The following LIPI variants were observed in gnomAD, a reference collection of about 807,000 sequenced individuals.
The protein encoded by LIPI is lipase member I.
LIPI carries 59 observed loss-of-function variants against 50.6 expected under a neutral mutation model. The observed-to-expected ratio is 1.16, with a 90% CI of 0.94 to 1.45. The LOEUF (loss-of-function observed/expected upper bound fraction) is 1.45, where lower values mean the gene tolerates loss of function less well. Ranked by LOEUF, LIPI falls within the 40% of genes most tolerant of loss-of-function variation. The probability of loss-of-function intolerance (pLI) is 0.00; values close to 1 mark genes in which losing one functional copy is unlikely to be tolerated. For synonymous variants in LIPI, 203 were observed against 178.2 expected (o/e 1.14, Z -1.11); for missense variants, 586 against 536.3 (o/e 1.09, Z -0.92).
Position 14,175,252 on chromosome 21 carries a change from A to C in LIPI, c.643+6506T>G, listed in dbSNP as rs113961502. ...TCTTTGATTTTAATAAATAATGCTG[A>C]ATAGTTGTAGCGTATCTTTGCCAAT... is the stretch of plus-strand genomic sequence containing the variant. On this transcript the variant is annotated intron_variant, in intron 4 of 9. Transcript: ENST00000681601. Among the ~76,000 whole-genome samples, 1,062 of 152,312 alleles carry C rather than the reference A, an allele frequency of 7.0e-3. 13 individuals carry two copies. Among genetic ancestry groups the C allele is most frequent in the African/African-American group, 0.024 (993 of 41,578 alleles).
At chr21:14,210,111 A>G (rs2123368194) in intron 1 of LIPI, among the ~76,000 whole-genome samples, 1 of 152,038 alleles carries the variant, frequency 6.6e-6, no homozygotes. Flanking sequence ...CTCTCATAAA[A>G]CCCCTACAGA....
Position 14,165,368 on chromosome 21 carries a change from G to T in LIPI, c.756C>A (p.Asn252Lys), listed in dbSNP as rs764031915. Reference protein sequence around the residue: ...IFSGIQFIKCNHQRAVHLFMA... With the variant: ...IFSGIQFIKCKHQRAVHLFMA... ...TGAACAAGTGAACTGCTCTCTGGTGGTTGCATTTAATGAATTGAATTCCTT... is the reference window on the plus strand; with the variant it reads ...TGAACAAGTGAACTGCTCTCTGGTGTTTGCATTTAATGAATTGAATTCCTT... The change falls in exon 6 of 10, where the codon AAC becomes AAA. Residue 252 changes from asparagine (N) to lysine (K), a missense_variant. Coordinates refer to ENST00000681601, the MANE Select transcript of LIPI (RefSeq NM_001302998.2). The T allele has an allele frequency of 8.1e-6, 13 of 1,611,216 alleles. No homozygotes were observed. Among genetic ancestry groups the T allele is most frequent in the East Asian group, 6.7e-5 (3 of 44,740 alleles).
intron 1 of LIPI, among the ~76,000 whole-genome samples, chr21:14,202,882 C>A (rs1354579849): frequency 6.6e-6 from 1 of 152,066 alleles, no homozygotes; most frequent in African/African-American, 2.4e-5. Context: ...AAACTACCAT[C>A]AGAGTGAACA....
Position 14,154,654 on chromosome 21 carries a change from C to G in LIPI, c.1007-1970G>C, listed in dbSNP as rs557972725. Reference sequence around the variant, plus strand: ...AAGATTCTAAGGCTCTCTGAGGCAACTTGTAGCTGTGACAGAGTCTGATAA... The same window carrying G: ...AAGATTCTAAGGCTCTCTGAGGCAAGTTGTAGCTGTGACAGAGTCTGATAA... On this transcript the variant is annotated intron_variant, in intron 7 of 9. Coordinates refer to ENST00000681601, the MANE Select transcript of LIPI (RefSeq NM_001302998.2). 4.6e-5 allele frequency among the ~76,000 whole-genome samples: 7 copies of G among 152,108 alleles called. No individual in the cohort carries two copies. The South Asian group carries it at 1.5e-3, about 32-fold the overall frequency.
At chr21:14,197,428 C>G (rs1027799580) in intron 1 of LIPI, among the ~76,000 whole-genome samples, 4 of 152,000 alleles carry the variant, frequency 2.6e-5, no homozygotes, top group Non-Finnish European at 1.5e-5. Flanking sequence ...GATAATGTAA[C>G]TGACTGGCTA....
At chr21:14,125,807 C>T (rs1351239419) in intron 9 of LIPI, among the ~76,000 whole-genome samples, 1 of 152,060 alleles carries the variant, frequency 6.6e-6, no homozygotes, top group Non-Finnish European at 1.5e-5. Flanking sequence ...CGCCCGCCTC[C>T]GCCTCCCAAA....
chr21:14,120,298 T>A (rs188711698), intron 9 of LIPI, among the ~76,000 whole-genome samples: 1 of 152,310 alleles, frequency 6.6e-6, no homozygotes, highest in East Asian at 1.9e-4. Flanking sequence ...GGTAGGAACC[T>A]CAGCACAGAA....
At chr21:14,182,328 A>G (rs1481933398) in intron 3 of LIPI, among the ~76,000 whole-genome samples, 1 of 152,148 alleles carries the variant, frequency 6.6e-6, no homozygotes, top group Non-Finnish European at 1.5e-5. Context: ...TATCTTATCC[A>G]TTTCTCGTAA....
chr21:14,171,354 G>T (rs201292829), intron 4 of LIPI, among the ~76,000 whole-genome samples: 4 of 145,580 alleles, frequency 2.7e-5, no homozygotes, highest in African/African-American at 1.0e-4. Flanking sequence ...TCACAGAATT[G>T]GAAAAAACTA....
intron 1 of LIPI, among the ~76,000 whole-genome samples, chr21:14,200,449 T>C (rs1308744801): frequency 6.6e-6 from 1 of 152,068 alleles, no homozygotes; most frequent in Non-Finnish European, 1.5e-5. Flanking sequence ...CTATTATTCC[T>C]ATACACCAAC....
At chr21:14,194,420 G>A (rs188823065) in intron 1 of LIPI, among the ~76,000 whole-genome samples, 178 of 145,990 alleles carry the variant, frequency 1.2e-3, no homozygotes, top group African/African-American at 4.1e-3. Context: ...ATCAACAGGT[G>A]AATGAACAAA....
chr21:14,175,491 T>A (rs2019062908), intron 4 of LIPI, among the ~76,000 whole-genome samples: 2 of 152,192 alleles, frequency 1.3e-5, no homozygotes, highest in East Asian at 3.8e-4. Flanking sequence ...TGCTTTTTTT[T>A]ATGGCTTGCT....
chr21:14,124,406 C>T (rs1353948066), intron 9 of LIPI, among the ~76,000 whole-genome samples: 3 of 152,122 alleles, frequency 2.0e-5, no homozygotes, highest in Non-Finnish European at 4.4e-5. Flanking sequence ...CAACCTCACC[C>T]ACCTCCCCCG....
At chr21:14,146,301 T>A (rs1269131010) in intron 8 of LIPI, among the ~76,000 whole-genome samples, 4 of 149,428 alleles carry the variant, frequency 2.7e-5, no homozygotes, top group Non-Finnish European at 4.5e-5. Context: ...AAAAAAAAAA[T>A]ACTAAAACTA....
At chr21:14,132,276 T>C (rs1018164815) in intron 9 of LIPI, among the ~76,000 whole-genome samples, 3 of 152,198 alleles carry the variant, frequency 2.0e-5, no homozygotes, top group Admixed American at 1.3e-4. Flanking sequence ...TTAGGAGGTC[T>C]AAAGGCAAAC....
At chr21:14,136,433 ACTT>A (rs1484360815) in intron 9 of LIPI, among the ~76,000 whole-genome samples, 2 of 152,192 alleles carry the variant, frequency 1.3e-5, no homozygotes, top group Non-Finnish European at 2.9e-5. Context: ...GTCTGGCAGT[ACTT>A]CTTCTGTCCA....
intron 1 of LIPI, among the ~76,000 whole-genome samples, chr21:14,196,112 T>A (rs2019835130): frequency 7.5e-6 from 1 of 133,446 alleles, no homozygotes; most frequent in Admixed American, 8.2e-5. Context: ...TTACCACATT[T>A]ACGAGTTCGT....
intron 7 of LIPI, among the ~76,000 whole-genome samples, chr21:14,162,096 G>GAT (rs142838075): frequency 0.022 from 3,277 of 147,798 alleles, 100 homozygotes; most frequent in African/African-American, 0.072. Flanking sequence ...AATATGTATT[G>GAT]ATATATATAT....
chr21:14,199,030 A>G (rs2019959234), intron 1 of LIPI, among the ~76,000 whole-genome samples: 1 of 152,026 alleles, frequency 6.6e-6, no homozygotes, highest in Non-Finnish European at 1.5e-5. Context: ...TAAGGTTTCA[A>G]GAAATTATTT....
Sources: gnomAD v4.1 joint callset for allele counts (sites outside exome capture counted in the v4.1 genomes callset) on GRCh38, gnomAD v4.1.1 for gene constraint, MANE v1.5 for transcripts, NCBI Gene and HGNC (gene_info 2026-07-23, HGNC 2026-07-21) for gene names.